TNR: variants seen among roughly 807,000 people sequenced by gnomAD.
TNR encodes the protein tenascin R.
In TNR, 45 loss-of-function variants were observed where a neutral mutation model predicts 150.4. The ratio of observed to expected loss-of-function variants is 0.30; its 90% CI spans 0.24 to 0.38. TNR has a LOEUF of 0.38. TNR is among the 10% of genes least tolerant of loss of function. TNR has a pLI of 1.00. For missense variants in TNR, 1,544 were observed against 1,759.1 expected, an observed-to-expected ratio of 0.88 and a Z score of 2.19; for synonymous variants, 687 against 678.4, an observed-to-expected ratio of 1.01 and a Z score of -0.20.
intron 1 of TNR, among the ~76,000 whole-genome samples, chr1:175,542,208 G>A (rs550476323): frequency 5.9e-5 from 9 of 152,162 alleles, no homozygotes; most frequent in African/African-American, 1.4e-4. Flanking sequence ...CTTCCAACCC[G>A]AATGCAGGCC....
chr1:175,724,706 C>T (rs1486464166), intron 1 of TNR, among the ~76,000 whole-genome samples: 1 of 152,142 alleles, frequency 6.6e-6, no homozygotes, highest in African/African-American at 2.4e-5. Context: ...CAATTTAAAA[C>T]TTTCAAATGA....
In TNR at chr1:175,386,253, A is replaced by G. The variant is rs1322701766; in HGVS notation, c.1556T>C (p.Val519Ala). 3 of 1,600,698 alleles carry G rather than the reference A, an allele frequency of 1.9e-6. No individual in the cohort carries two copies. Among genetic ancestry groups the G allele is most frequent in the Non-Finnish European group, 2.6e-6 (3 of 1,169,798 alleles). Residue 519 changes from valine (V) to alanine (A), a missense_variant, in exon 8 of 23, where the codon GTG becomes GCG. Transcript: ENST00000367674. ...AGGGGGAATCCACTCCACAAAAGCC[A>G]CAGTGTCCGAGACATCGCGAACCAG... ...QILVRDVSDT[V>A]AFVEWIPPRA...
chr1:175,512,347 A>T (rs1229590132), intron 2 of TNR, among the ~76,000 whole-genome samples: 1 of 152,254 alleles, frequency 6.6e-6, no homozygotes, highest in African/African-American at 2.4e-5. Context: ...AAAAATCTTT[A>T]TCAGACACTC....
intron 20 of TNR, among the ~76,000 whole-genome samples, chr1:175,332,852 A>T (rs1405223994): frequency 6.6e-6 from 1 of 152,200 alleles, no homozygotes; most frequent in East Asian, 1.9e-4. Context: ...TTATGTTAGA[A>T]CAGTGTTACC....
At chr1:175,428,151 T>C (rs938125175) in intron 2 of TNR, among the ~76,000 whole-genome samples, 2 of 152,242 alleles carry the variant, frequency 1.3e-5, no homozygotes, top group African/African-American at 4.8e-5. Context: ...ATAGCTATTA[T>C]GTATCAACAG....
intron 14 of TNR, 144 bp downstream of exon 14, chr1:175,362,519 G>T: frequency 1.1e-6 from 1 of 926,834 alleles, no homozygotes; most frequent in Non-Finnish European, 1.6e-6. Context: ...GAGAGAAATT[G>T]CAAATTGCCC....
chr1:175,691,474 C>A (rs1314294461), intron 1 of TNR, among the ~76,000 whole-genome samples: 1 of 152,132 alleles, frequency 6.6e-6, no homozygotes. Context: ...CTAGATGAGA[C>A]AACTGAGGCA....
intron 1 of TNR, among the ~76,000 whole-genome samples, chr1:175,624,591 AG>A (rs1379201040): frequency 2.0e-5 from 3 of 152,190 alleles, no homozygotes; most frequent in Non-Finnish European, 4.4e-5. Flanking sequence ...AGCTGGGACG[AG>A]GTGAAGAGGT....
chr1:175,459,917 A>C (rs1483901829), intron 2 of TNR, among the ~76,000 whole-genome samples: 1 of 152,228 alleles, frequency 6.6e-6, no homozygotes, highest in Non-Finnish European at 1.5e-5. Flanking sequence ...TTCCTACTGC[A>C]GAGAGTTCAT....
At chr1:175,665,151 A>T (rs750272015) in intron 1 of TNR, among the ~76,000 whole-genome samples, 8 of 152,110 alleles carry the variant, frequency 5.3e-5, no homozygotes, top group Non-Finnish European at 1.0e-4. Flanking sequence ...ACTATAGCAC[A>T]GTTTTGTTTC....
intron 1 of TNR, among the ~76,000 whole-genome samples, chr1:175,653,584 T>C (rs980212963): frequency 6.6e-6 from 1 of 152,222 alleles, no homozygotes; most frequent in Admixed American, 6.5e-5. Context: ...GGTCTGGTAG[T>C]AACAAATTAT....
At chr1:175,588,407 T>G (rs1236776547) in intron 1 of TNR, among the ~76,000 whole-genome samples, 1 of 152,242 alleles carries the variant, frequency 6.6e-6, no homozygotes, top group African/African-American at 2.4e-5. Flanking sequence ...AGTGAACACA[T>G]CTTTCAGACA....
At chr1:175,477,791 C>G (rs1362786559) in intron 2 of TNR, among the ~76,000 whole-genome samples, 2 of 152,250 alleles carry the variant, frequency 1.3e-5, no homozygotes, top group African/African-American at 4.8e-5. Context: ...TATACAAACA[C>G]AGGGCTGGAA....
At chr1:175,565,466 G>T (rs17305076) in intron 1 of TNR, among the ~76,000 whole-genome samples, 46,770 of 152,056 alleles carry the variant, frequency 0.31, 7,420 homozygotes, top group South Asian at 0.33. Flanking sequence ...GAATAATAAT[G>T]CCACCCACTG....
At chr1:175,578,810 A>C (rs1662223207) in intron 1 of TNR, among the ~76,000 whole-genome samples, 1 of 152,206 alleles carries the variant, frequency 6.6e-6, no homozygotes, top group African/African-American at 2.4e-5. Flanking sequence ...GTCATCCTGT[A>C]GCTGTGACGA....
chr1:175,508,374 C>G, intron 2 of TNR, among the ~76,000 whole-genome samples: 1 of 152,132 alleles, frequency 6.6e-6, no homozygotes, highest in Non-Finnish European at 1.5e-5. Context: ...GGGATGGTCC[C>G]CAGTCATGCC....
chr1:175,380,416 G>C (rs1295450703), intron 8 of TNR, among the ~76,000 whole-genome samples: 1 of 151,950 alleles, frequency 6.6e-6, no homozygotes, highest in Non-Finnish European at 1.5e-5. Context: ...GCAATCCATG[G>C]GCATCTGTAC....
rs530768174 is a variant in TNR, at chr1:175,382,815, C to T, written c.1778-3078G>A. On this transcript the variant is annotated intron_variant, in intron 8 of 22. Coordinates refer to ENST00000367674, the MANE Select transcript of TNR (RefSeq NM_003285.3). ...CTTGGGAGGCTTGAGGCAGGACAAT[C>T]GCTTGAACCTGGGAGGCGGAGGTTG... Among the ~76,000 whole-genome samples the T allele has an allele frequency of 5.9e-5, 9 of 151,684 alleles. No homozygotes were observed. In the South Asian group the frequency reaches 1.5e-3, roughly 25 times the overall value.
intron 8 of TNR, among the ~76,000 whole-genome samples, chr1:175,379,940 C>T (rs1038998336): frequency 2.0e-4 from 30 of 152,244 alleles, no homozygotes; most frequent in Non-Finnish European, 1.2e-4. Context: ...TACTTGGGAG[C>T]TGAAGATCAA....
Sources: allele counts gnomAD v4.1 joint callset (sites outside exome capture counted in the v4.1 genomes callset), GRCh38; gene constraint gnomAD v4.1.1; transcripts MANE v1.5; gene names NCBI Gene and HGNC (gene_info 2026-07-23, HGNC 2026-07-21).